Variants in MCF2 observed in about 807,000 individuals in gnomAD.
MCF2 encodes MCF.2 cell line derived transforming sequence.
A neutral mutation model predicts 82.5 loss-of-function variants in MCF2; 44 were observed. That is an observed-to-expected ratio of 0.53 (90% CI 0.42 to 0.69). The LOEUF (loss-of-function observed/expected upper bound fraction) is 0.69, where lower values mean the gene tolerates loss of function less well. MCF2 is among the 30% of genes least tolerant of loss of function. MCF2 has a pLI of 0.00. For missense variants in MCF2, 623 were observed against 663.1 expected, an observed-to-expected ratio of 0.94 and a Z score of 0.66; for synonymous variants, 217 against 224.9, an observed-to-expected ratio of 0.96 and a Z score of 0.32.
chrX:139,588,272 C>T lies in MCF2; in HGVS notation c.2449+88G>A, dbSNP rs943091011. ...TGTAATAGTATAAAGTAAATATCAG[C>T]CCCATTCTCTGGAAAAATAATTTAA... On this transcript the variant is annotated intron_variant, in intron 21 of 24. Coordinates refer to ENST00000370576, the Ensembl canonical transcript of MCF2. 7 of 627,723 alleles carry T rather than the reference C, an allele frequency of 1.1e-5. No individual in the cohort carries two copies. In the Admixed American group the frequency reaches 1.2e-4, roughly 11 times the overall value. 51.7% of individuals were successfully genotyped at this position (627,723 alleles called of 1,213,427 possible).
At chrX:139,669,811 T>G (rs2148550074) in intron 1 of MCF2, among the ~76,000 whole-genome samples, 1 of 112,096 alleles carries the variant, frequency 8.9e-6, no homozygotes, top group East Asian at 2.8e-4. Context: ...CCAAATATTG[T>G]GTTATTTCAT....
intron 2 of MCF2, among the ~76,000 whole-genome samples, chrX:139,651,249 G>C (rs1300764480): frequency 2.7e-5 from 3 of 110,938 alleles, no homozygotes; most frequent in Non-Finnish European, 5.7e-5. Flanking sequence ...ATACATCTTT[G>C]AGAAAAATCA....
intron 9 of MCF2, 56 bp from the exon 13 acceptor site, chrX:139,615,108 C>T: frequency 1.1e-6 from 1 of 908,520 alleles, no homozygotes; most frequent in East Asian, 3.1e-5. Context: ...TCATTACAAA[C>T]CCCATTACAT....
intron 1 of MCF2, among the ~76,000 whole-genome samples, chrX:139,704,146 C>A (rs1383622362): frequency 9.0e-6 from 1 of 111,443 alleles, no homozygotes; most frequent in African/African-American, 3.3e-5. Context: ...AACATCATAT[C>A]GAATGGGCAA....
rs182189781 is a variant in MCF2 at position 139,672,587 on chromosome X, C to T, written c.-44-20799G>A. 2.2e-3 allele frequency among the ~76,000 whole-genome samples: 247 copies of T among 111,821 alleles called. 1 individual carries two copies. Among genetic ancestry groups the T allele is most frequent in the Non-Finnish European group, 4.1e-3 (218 of 53,189 alleles). On this transcript the variant is annotated intron_variant, in intron 1 of 27. Transcript: ENST00000414978. ...ATTGAGATAATCATATGGTTTTTGC[C>T]GTTGGTCCTGTTTATGTGATGGATT...
chrX:139,612,050 G>A (rs1478819791), intron 10 of MCF2, among the ~76,000 whole-genome samples: 8 of 110,003 alleles, frequency 7.3e-5, no homozygotes, highest in Non-Finnish European at 1.1e-4. Flanking sequence ...ATGTTAGCTC[G>A]GATTAGGAAA....
At chrX:139,665,897 G>GTATA (rs761065038) in intron 1 of MCF2, among the ~76,000 whole-genome samples, 6,641 of 68,149 alleles carry the variant, frequency 0.097, 368 homozygotes, top group Non-Finnish European at 0.13. Context: ...AGGTGTGTGT[G>GTATA]TATATATATA....
chrX:139,600,503 T>C (rs1930460615), intron 16 of MCF2, among the ~76,000 whole-genome samples: 1 of 110,825 alleles, frequency 9.0e-6, no homozygotes, highest in Non-Finnish European at 1.9e-5. Flanking sequence ...CAGAGTACCA[T>C]ATTGAAAAAT....
intron 1 of MCF2, among the ~76,000 whole-genome samples, chrX:139,675,775 G>A (rs897628912): frequency 5.3e-5 from 6 of 112,316 alleles, no homozygotes; most frequent in African/African-American, 1.6e-4. Flanking sequence ...GCTACACGGA[G>A]GTCAGGGACC....
At chrX:139,691,905 G>A (rs773194414) in intron 1 of MCF2, 2 of 1,157,690 alleles carry the variant, frequency 1.7e-6, no homozygotes, top group African/African-American at 3.6e-5. Context: ...GATGAGAGGA[G>A]GGGACTTACC....
chrX:139,638,382 T>C (rs1933359469), intron 1 of MCF2, among the ~76,000 whole-genome samples: 3 of 111,295 alleles, frequency 2.7e-5, no homozygotes, highest in Admixed American at 1.9e-4. Context: ...GTTAGGGAGA[T>C]AATGTAAATG....
intron 1 of MCF2, among the ~76,000 whole-genome samples, chrX:139,693,125 A>G (rs1248448737): frequency 9.0e-6 from 1 of 111,457 alleles, no homozygotes; most frequent in Non-Finnish European, 1.9e-5. Flanking sequence ...GGAGCTCCGC[A>G]GTGCCTGGAA....
chrX:139,676,655 C>T (rs142479036), intron 1 of MCF2, among the ~76,000 whole-genome samples: 25 of 111,771 alleles, frequency 2.2e-4, no homozygotes, highest in African/African-American at 7.8e-4. Flanking sequence ...GAAAAAATGG[C>T]AGCACCTATT....
At chrX:139,610,257 A>C in intron 11 of MCF2, 44 bp downstream of exon 15, 1 of 906,835 alleles carries the variant, frequency 1.1e-6, no homozygotes, top group Non-Finnish European at 1.6e-6. Flanking sequence ...CAACTCTGCA[A>C]CTAAAGCAAT....
chrX:139,659,236 G>A (rs1461484896), intron 1 of MCF2, among the ~76,000 whole-genome samples: 2 of 109,747 alleles, frequency 1.8e-5, no homozygotes, highest in Non-Finnish European at 3.8e-5. Flanking sequence ...GCAGTGAGGT[G>A]AGATCGTGCC....
upstream of MCF2, chrX:139,646,999 C>G (rs993941284): frequency 1.2e-4 from 61 of 526,061 alleles, no homozygotes; most frequent in Admixed American, 7.7e-4. Context: ...TGCAGCAACA[C>G]AACTTTTTTG....
chrX:139,651,832 A>G (rs1019822808), intron 1 of MCF2, 44 bp from the exon 2 acceptor site: 11 of 799,450 alleles, frequency 1.4e-5, no homozygotes, highest in Non-Finnish European at 1.8e-5. Flanking sequence ...ATGTTAAGGT[A>G]CAGCCTTACA....
chrX:139,684,799 T>C (rs986301513), intron 1 of MCF2, among the ~76,000 whole-genome samples: 1 of 112,011 alleles, frequency 8.9e-6, no homozygotes, highest in Admixed American at 9.5e-5. Flanking sequence ...GACTAGTGAC[T>C]GCCAGGGGCT....
chrX:139,665,897 G>GTATATATA (rs761065038), intron 1 of MCF2, among the ~76,000 whole-genome samples: 81 of 68,542 alleles, frequency 1.2e-3, no homozygotes, highest in Non-Finnish European at 1.4e-3. Context: ...AGGTGTGTGT[G>GTATATATA]TATATATATA....
Sources: gnomAD v4.1 joint callset for allele counts (sites outside exome capture counted in the v4.1 genomes callset) on GRCh38, gnomAD v4.1.1 for gene constraint, MANE v1.5 for transcripts, NCBI Gene and HGNC (gene_info 2026-07-23, HGNC 2026-07-21) for gene names.